Variants in ADGRL3 observed in about 807,000 individuals in gnomAD.
The protein encoded by ADGRL3 is adhesion G protein-coupled receptor L3, also known as calcium-independent alpha-latrotoxin receptor 3.
ADGRL3 carries 62 observed loss-of-function variants against 153.5 expected under a neutral mutation model. The observed-to-expected ratio is 0.40, with a 90% CI of 0.33 to 0.50. The LOEUF is 0.50. Ranked by LOEUF, ADGRL3 falls within the 20% of genes least tolerant of loss-of-function variation. The pLI, the probability that ADGRL3 is intolerant of heterozygous loss-of-function variation, is 0.47. For missense variants in ADGRL3, 1,641 were observed against 1,859.4 expected (o/e 0.88, Z 2.16); for synonymous variants, 710 against 672.5 (o/e 1.06, Z -0.86).
chr4:61,855,865 G>A (rs1392218940), intron 9 of ADGRL3, among the ~76,000 whole-genome samples: 1 of 151,900 alleles, frequency 6.6e-6, no homozygotes, highest in Non-Finnish European at 1.5e-5. Context: ...TACAGTAGAA[G>A]GCAATGGGTA....
chr4:61,745,424 G>A (rs1305081322), intron 8 of ADGRL3, among the ~76,000 whole-genome samples: 1 of 152,100 alleles, frequency 6.6e-6, no homozygotes, highest in Non-Finnish European at 1.5e-5. Flanking sequence ...CACCAAAGTT[G>A]AAATGAAGGA....
At chr4:61,292,615 G>C (rs1560436170) in intron 1 of ADGRL3, among the ~76,000 whole-genome samples, 2 of 152,262 alleles carry the variant, frequency 1.3e-5, no homozygotes, top group East Asian at 3.9e-4. Context: ...CCGATGCATG[G>C]TCGTACTAGA....
At chr4:61,738,154 C>T (rs1178831950) in intron 8 of ADGRL3, among the ~76,000 whole-genome samples, 2 of 152,112 alleles carry the variant, frequency 1.3e-5, no homozygotes, top group Non-Finnish European at 2.9e-5. Context: ...GCTTAGCTCC[C>T]ACTTGTGAGA....
At chr4:61,913,319 A>T (rs1227513584) in intron 13 of ADGRL3, among the ~76,000 whole-genome samples, 1 of 152,174 alleles carries the variant, frequency 6.6e-6, no homozygotes, top group African/African-American at 2.4e-5. Context: ...GTAATTTATA[A>T]GCAATAAACC....
At chr4:61,986,144 A>G (rs1303692771) in intron 19 of ADGRL3, among the ~76,000 whole-genome samples, 1 of 151,892 alleles carries the variant, frequency 6.6e-6, no homozygotes, top group Non-Finnish European at 1.5e-5. Flanking sequence ...CAAAAAAGAA[A>G]CCCCTAGCAG....
At chr4:61,845,840 T>C (rs1377010440) in intron 9 of ADGRL3, among the ~76,000 whole-genome samples, 3 of 152,198 alleles carry the variant, frequency 2.0e-5, no homozygotes, top group Admixed American at 6.5e-5. Flanking sequence ...CACTTAAAAT[T>C]GGACAATGCA....
At chr4:61,830,202 T>TTTG (rs1254643536) in intron 9 of ADGRL3, among the ~76,000 whole-genome samples, 12 of 151,920 alleles carry the variant, frequency 7.9e-5, no homozygotes, top group African/African-American at 2.7e-4. Context: ...GAGGCAGGGT[T>TTTG]TTGCCATGTT....
At chr4:61,755,347 ATTTGCAT>A (rs1473749795) in intron 8 of ADGRL3, among the ~76,000 whole-genome samples, 1 of 152,014 alleles carries the variant, frequency 6.6e-6, no homozygotes, top group African/African-American at 2.4e-5. Flanking sequence ...TGTGGTTTTG[ATTTGCAT>A]TTCTCTGATG....
chr4:61,830,822 C>A (rs557791458), intron 9 of ADGRL3, among the ~76,000 whole-genome samples: 1 of 152,110 alleles, frequency 6.6e-6, no homozygotes, highest in Non-Finnish European at 1.5e-5. Context: ...AAAAGGAGAT[C>A]GTGTCTGTGT....
chr4:61,760,686 C>T (rs1006711623), intron 8 of ADGRL3, among the ~76,000 whole-genome samples: 1 of 152,154 alleles, frequency 6.6e-6, no homozygotes, highest in African/African-American at 2.4e-5. Flanking sequence ...TCCGACACTC[C>T]CCAGTGAGAT....
At chr4:61,351,033 G>A (rs2096036965) in intron 1 of ADGRL3, among the ~76,000 whole-genome samples, 1 of 152,100 alleles carries the variant, frequency 6.6e-6, no homozygotes, top group African/African-American at 2.4e-5. Flanking sequence ...TGTCCCAGTT[G>A]GTCAGCTTTT....
At chr4:61,448,112 G>C (rs1403456550) in intron 2 of ADGRL3, among the ~76,000 whole-genome samples, 1 of 152,180 alleles carries the variant, frequency 6.6e-6, no homozygotes, top group Non-Finnish European at 1.5e-5. Flanking sequence ...TAAATCACCA[G>C]AATTTAGCTC....
rs758935728 is a variant in ADGRL3, at chr4:61,456,410, T to G, written c.-173-40711T>G. On this transcript the variant is annotated intron_variant, in intron 2 of 26. Coordinates refer to ENST00000683033, the MANE Select transcript of ADGRL3 (RefSeq NM_001387552.1). ...ATATAGATATATCTATATCTATATA[T>G]ATATAGATATATCTATATCTATATA... 3.4e-3 allele frequency among the ~76,000 whole-genome samples: 187 copies of G among 55,434 alleles called. 3 individuals carry two copies. The highest frequency in any genetic ancestry group is 8.3e-3 in the Middle Eastern group (1 of 120). 36.4% of individuals were successfully genotyped at this position (55,434 alleles called of 152,430 possible). A position where few individuals can be genotyped will look rare whatever the true frequency, so the allele number is the denominator to read the frequency against.
chr4:61,715,570 A>T (rs1278580240), intron 6 of ADGRL3, among the ~76,000 whole-genome samples: 1 of 152,172 alleles, frequency 6.6e-6, no homozygotes, highest in Non-Finnish European at 1.5e-5. Context: ...ATGTTTATTC[A>T]CTCACACATA....
chr4:61,769,632 G>A (rs2097057594), intron 8 of ADGRL3, among the ~76,000 whole-genome samples: 1 of 152,102 alleles, frequency 6.6e-6, no homozygotes. Context: ...GGCAGGCTGA[G>A]TCCGAAAAGG....
chr4:61,487,166 T>C (rs1451591955), intron 2 of ADGRL3, among the ~76,000 whole-genome samples: 1 of 152,166 alleles, frequency 6.6e-6, no homozygotes. Flanking sequence ...GTAGTCAGTA[T>C]AGGTGACGAG....
At chr4:61,283,684 AAAAAACACG>A (rs2093813880) in intron 1 of ADGRL3, among the ~76,000 whole-genome samples, 1 of 152,002 alleles carries the variant, frequency 6.6e-6, no homozygotes, top group Non-Finnish European at 1.5e-5. Flanking sequence ...GGATAAAGGG[AAAAAACACG>A]ACATAGTAAC....
At chr4:61,485,190 T>G (rs563735253) in intron 2 of ADGRL3, among the ~76,000 whole-genome samples, 14 of 152,284 alleles carry the variant, frequency 9.2e-5, no homozygotes, top group African/African-American at 3.4e-4. Context: ...TGAGATAATT[T>G]CAAAACATGT....
At chr4:61,797,826 G>A (rs1365435731) in intron 8 of ADGRL3, among the ~76,000 whole-genome samples, 1 of 152,068 alleles carries the variant, frequency 6.6e-6, no homozygotes, top group African/African-American at 2.4e-5. Flanking sequence ...TTGTGTATCA[G>A]GATCTATGTC....
Sources: gnomAD v4.1 joint callset for allele counts (sites outside exome capture counted in the v4.1 genomes callset) on GRCh38, gnomAD v4.1.1 for gene constraint, MANE v1.5 for transcripts, NCBI Gene and HGNC (gene_info 2026-07-23, HGNC 2026-07-21) for gene names.